Variants in FAF1 observed in about 807,000 individuals in gnomAD.
The protein encoded by FAF1 is FAS-associated factor 1.
A neutral mutation model predicts 92.5 loss-of-function variants in FAF1; 25 were observed. The observed-to-expected ratio is 0.27, with a 90% CI of 0.20 to 0.38. FAF1 has a LOEUF of 0.38. FAF1 is among the 10% of genes least tolerant of loss of function. FAF1 has a pLI of 1.00. For synonymous variants in FAF1, 234 were observed against 273.2 expected (o/e 0.86, Z 1.42); for missense variants, 636 against 793.3 (o/e 0.80, Z 2.38).
At chr1:50,549,053 T>G (rs1182207114) in intron 13 of FAF1, among the ~76,000 whole-genome samples, 1 of 152,184 alleles carries the variant, frequency 6.6e-6, no homozygotes, top group Non-Finnish European at 1.5e-5. Context: ...TATGGTGAAA[T>G]GTTTCCTAAA....
chr1:50,952,179 C>T (rs540899748), intron 1 of FAF1, among the ~76,000 whole-genome samples: 4 of 152,222 alleles, frequency 2.6e-5, no homozygotes, highest in African/African-American at 4.8e-5. Context: ...ACTGGACTGC[C>T]GCCATCTCGG....
At chr1:50,471,907 G>C (rs1335243002) in intron 18 of FAF1, among the ~76,000 whole-genome samples, 1 of 152,016 alleles carries the variant, frequency 6.6e-6, no homozygotes, top group Non-Finnish European at 1.5e-5. Flanking sequence ...GAGAAGGGAA[G>C]AATGGAAAGA....
intron 4 of FAF1, among the ~76,000 whole-genome samples, chr1:50,761,952 C>G (rs1045648748): frequency 2.0e-5 from 3 of 151,998 alleles, no homozygotes; most frequent in Non-Finnish European, 4.4e-5. Context: ...ATTGTCTCAG[C>G]CCAAAATCTC....
At chr1:50,825,902 G>C (rs138740256) in intron 2 of FAF1, among the ~76,000 whole-genome samples, 1 of 151,984 alleles carries the variant, frequency 6.6e-6, no homozygotes, top group Non-Finnish European at 1.5e-5. Context: ...AAATCAAGCA[G>C]TATACCTCAA....
chr1:50,802,030 C>A (rs1662011971), intron 2 of FAF1, among the ~76,000 whole-genome samples: 1 of 151,858 alleles, frequency 6.6e-6, no homozygotes, highest in African/African-American at 2.4e-5. Flanking sequence ...TTTCCTTTGT[C>A]AAACTCAGAA....
intron 7 of FAF1, among the ~76,000 whole-genome samples, chr1:50,697,243 A>C (rs950237958): frequency 1.3e-5 from 2 of 152,234 alleles, no homozygotes; most frequent in Non-Finnish European, 2.9e-5. Flanking sequence ...ATTGTGGAAG[A>C]ATAGTGCCTA....
chr1:50,922,458 C>CAAAAA (rs33971185), intron 1 of FAF1, among the ~76,000 whole-genome samples: 17 of 37,232 alleles, frequency 4.6e-4, no homozygotes, highest in Admixed American at 1.5e-3. Context: ...GACTCTGCCT[C>CAAAAA]AAAAAAAAAA....
In FAF1 at chr1:50,545,637, G is replaced by GA. The variant is rs144079884; in HGVS notation, c.1269-5910dup. ...ATTTTTCACCTGTCAGATTAGTAAA[G>GA]AAAAAAAACTGGCTTTGGCAAGGTT... On this transcript the variant is annotated intron_variant, in intron 13 of 18. Coordinates refer to ENST00000396153, the MANE Select transcript of FAF1 (RefSeq NM_007051.3). 0.012 allele frequency among the ~76,000 whole-genome samples: 1,821 copies of GA among 150,754 alleles called. 111 individuals are homozygous for GA. In the East Asian group the frequency reaches 0.17, roughly 14 times the overall value.
intron 12 of FAF1, among the ~76,000 whole-genome samples, chr1:50,574,842 GAAT>G (rs1444399929): frequency 2.1e-5 from 3 of 143,648 alleles, no homozygotes; most frequent in Non-Finnish European, 4.5e-5. Context: ...TTTCTAAGTA[GAAT>G]ATTATATATC....
At chr1:50,805,827 TGTG>T (rs1452914538) in intron 2 of FAF1, among the ~76,000 whole-genome samples, 1 of 152,106 alleles carries the variant, frequency 6.6e-6, no homozygotes, top group South Asian at 2.1e-4. Flanking sequence ...GTAAAGGAGT[TGTG>T]GTAACAATAA....
intron 18 of FAF1, among the ~76,000 whole-genome samples, chr1:50,462,757 T>C (rs1646448536): frequency 6.6e-6 from 1 of 152,158 alleles, no homozygotes; most frequent in African/African-American, 2.4e-5. Context: ...TACAGGTTGA[T>C]TGGTGCTTGT....
At chr1:50,902,386 A>T (rs995695028) in intron 1 of FAF1, among the ~76,000 whole-genome samples, 56 of 152,236 alleles carry the variant, frequency 3.7e-4, no homozygotes, top group Non-Finnish European at 2.9e-5. Flanking sequence ...TTCATTAATA[A>T]TTTTTATGTT....
intron 12 of FAF1, among the ~76,000 whole-genome samples, chr1:50,568,352 C>G (rs961942768): frequency 1.3e-5 from 2 of 151,880 alleles, no homozygotes; most frequent in Non-Finnish European, 2.9e-5. Flanking sequence ...GGATTCTGAA[C>G]AAAAGAAGGA....
At chr1:50,648,889 G>T (rs1654719881) in intron 8 of FAF1, among the ~76,000 whole-genome samples, 2 of 152,204 alleles carry the variant, frequency 1.3e-5, no homozygotes, top group Non-Finnish European at 2.9e-5. Context: ...TCGTGCCATT[G>T]CACTCCAGCC....
At chr1:50,712,182 C>G (rs1341694958) in intron 6 of FAF1, among the ~76,000 whole-genome samples, 4 of 152,186 alleles carry the variant, frequency 2.6e-5, no homozygotes, top group African/African-American at 7.2e-5. Flanking sequence ...AGCAAACTTG[C>G]AATTCACATA....
At chr1:50,938,294 C>G (rs2124751036) in intron 1 of FAF1, among the ~76,000 whole-genome samples, 1 of 152,268 alleles carries the variant, frequency 6.6e-6, no homozygotes, top group South Asian at 2.1e-4. Flanking sequence ...CAGGAGGGAG[C>G]TCCTTGCCAC....
chr1:50,640,067 T>C (rs1309833426), intron 8 of FAF1, among the ~76,000 whole-genome samples: 2 of 152,242 alleles, frequency 1.3e-5, no homozygotes, highest in African/African-American at 2.4e-5. Flanking sequence ...TGAAATTCAA[T>C]TTGGTAAAAT....
chr1:50,765,359 T>C (rs143505387), intron 4 of FAF1, among the ~76,000 whole-genome samples: 364 of 152,330 alleles, frequency 2.4e-3, no homozygotes, highest in Non-Finnish European at 3.8e-3. Flanking sequence ...CAATACATTA[T>C]CTACAGAATT....
chr1:50,566,324 G>T (rs1650173708), intron 13 of FAF1, among the ~76,000 whole-genome samples: 1 of 152,060 alleles, frequency 6.6e-6, no homozygotes, highest in Admixed American at 6.6e-5. Context: ...GCCTTGAAAT[G>T]AATTAATTTA....
Sources: gnomAD v4.1 joint callset for allele counts (sites outside exome capture counted in the v4.1 genomes callset) on GRCh38, gnomAD v4.1.1 for gene constraint, MANE v1.5 for transcripts, NCBI Gene and HGNC (gene_info 2026-07-23, HGNC 2026-07-21) for gene names.